The following ACAT1 variants were observed in gnomAD, a reference collection of about 807,000 sequenced individuals.
ACAT1 encodes acetyl-CoA acetyltransferase, mitochondrial.
In ACAT1, 28 loss-of-function variants were observed where a neutral mutation model predicts 47.3. The ratio of observed to expected loss-of-function variants is 0.59; its 90% CI spans 0.44 to 0.81. The LOEUF (loss-of-function observed/expected upper bound fraction) is 0.81, where lower values mean the gene tolerates loss of function less well. Among genes scored for constraint, ACAT1 ranks in the 30% least tolerant of loss-of-function variants. The pLI is 0.00. For synonymous variants in ACAT1, 181 were observed against 173.6 expected, an observed-to-expected ratio of 1.04 and a Z score of -0.34; for missense variants, 469 against 524.3, an observed-to-expected ratio of 0.89 and a Z score of 1.03.
chr11:108,127,233 T>C (rs896560372), intron 1 of ACAT1, among the ~76,000 whole-genome samples: 2 of 150,916 alleles, frequency 1.3e-5, no homozygotes, highest in Non-Finnish European at 2.9e-5. Context: ...GGGTTGGAGA[T>C]AGAAATTTGG....
intron 5 of ACAT1, chr11:108,136,267 G>C: frequency 7.2e-6 from 3 of 414,452 alleles, no homozygotes; most frequent in Non-Finnish European, 1.3e-5. Flanking sequence ...AAATAGAGTG[G>C]TGAACAAAAC....
chr11:108,143,498 C>T (rs1477382722), intron 9 of ACAT1: 1 of 152,356 alleles, frequency 6.6e-6, no homozygotes, highest in Non-Finnish European at 1.5e-5. Context: ...CGATTTTTAG[C>T]TGCAGAAATC....
chr11:108,137,087 C>G (rs2077482919), intron 5 of ACAT1: 1 of 152,048 alleles, frequency 6.6e-6, no homozygotes, highest in South Asian at 2.1e-4. Flanking sequence ...AGTGGGAAGA[C>G]TTGACATGTA....
intron 6 of ACAT1, 108 bp downstream of exon 6, chr11:108,139,149 TTGA>T: frequency 7.0e-7 from 1 of 1,422,516 alleles, no homozygotes; most frequent in Non-Finnish European, 9.8e-7. Context: ...TCTATAAATG[TTGA>T]TTTTAGCCGT....
At chr11:108,134,641 G>GAAA (rs71047674) in intron 4 of ACAT1, among the ~76,000 whole-genome samples, 24 of 64,086 alleles carry the variant, frequency 3.7e-4, no homozygotes, top group South Asian at 5.7e-4. Context: ...CTGTCTGAAA[G>GAAA]AAAAAAAAAA....
chr11:108,138,940 C>T lies in ACAT1; in HGVS notation c.478C>T (p.Pro160Ser). 6.2e-7 allele frequency: 1 copy of T among 1,613,926 alleles called. No individual in the cohort carries two copies. Among genetic ancestry groups the T allele is most frequent in the Non-Finnish European group, 8.5e-7 (1 of 1,179,996 alleles). ...AGGMESMSNV[P>S]YVMNRGSTPY... is the part of the protein sequence containing the mutation. Reference sequence around the variant, plus strand: ...TGGGATGGAGAGCATGTCCAATGTTCCATATGTAATGAACAGAGGATCAAC... The same window carrying T: ...TGGGATGGAGAGCATGTCCAATGTTTCATATGTAATGAACAGAGGATCAAC... The change falls in exon 6 of 12, where the codon CCA becomes TCA. Residue 160 changes from proline (P) to serine (S), a missense_variant. By Grantham distance (74) the Pro-to-Ser change is moderately conservative. Transcript: ENST00000265838.
At chr11:108,118,617 G>A (rs1021602697), upstream of ACAT1, among the ~76,000 whole-genome samples, 1 of 152,264 alleles carries the variant, frequency 6.6e-6, no homozygotes, top group East Asian at 1.9e-4. Flanking sequence ...TGATCCGCCT[G>A]CCTTGGCCTC....
chr11:108,136,014 A>C (rs549226712), intron 5 of ACAT1: 2 of 559,294 alleles, frequency 3.6e-6, no homozygotes, highest in South Asian at 2.4e-5. Flanking sequence ...TCATTAAGTT[A>C]AGTTCTACAG....
At chr11:108,125,681 A>T (rs763812123) in intron 1 of ACAT1, among the ~76,000 whole-genome samples, 9 of 152,158 alleles carry the variant, frequency 5.9e-5, no homozygotes, top group Non-Finnish European at 8.8e-5. Flanking sequence ...TAATCCCAGC[A>T]CTTTGGGAGG....
chr11:108,143,805 T>G, intron 9 of ACAT1, 178 bp from the exon 10 acceptor site: 1 of 170,048 alleles, frequency 5.9e-6, no homozygotes, highest in Non-Finnish European at 1.1e-5. Context: ...AAAATCAGTG[T>G]CTTAGATTAC....
intron 2 of ACAT1, 92 bp from the exon 3 acceptor site, chr11:108,133,728 G>T: frequency 1.9e-6 from 2 of 1,036,432 alleles, no homozygotes; most frequent in South Asian, 1.3e-5. Context: ...CTCATTCATA[G>T]AAGTGTTTTT....
intron 5 of ACAT1, 133 bp from the exon 6 acceptor site, chr11:108,138,765 T>TCAC: frequency 1.0e-6 from 1 of 1,000,462 alleles, no homozygotes. Flanking sequence ...AGAGGGTACT[T>TCAC]CCTGTATTCA....
chr11:108,121,866 A>G (rs1307767626), intron 1 of ACAT1, 188 bp downstream of exon 1: 6 of 619,960 alleles, frequency 9.7e-6, no homozygotes, highest in Non-Finnish European at 1.4e-5. Context: ...GGACTCGCCT[A>G]TTTTTACAGC....
At chr11:108,127,421 C>G (rs147800318) in intron 1 of ACAT1, among the ~76,000 whole-genome samples, 1 of 151,988 alleles carries the variant, frequency 6.6e-6, no homozygotes, top group Admixed American at 6.6e-5. Flanking sequence ...CCCGCCACCA[C>G]GCCTGGCTAA....
At chr11:108,124,642 A>G (rs2077216644) in intron 1 of ACAT1, among the ~76,000 whole-genome samples, 1 of 152,070 alleles carries the variant, frequency 6.6e-6, no homozygotes, top group Non-Finnish European at 1.5e-5. Flanking sequence ...TGGTCTTTTT[A>G]TAACATAAAA....
chr11:108,122,993 G>A (rs758103919), intron 1 of ACAT1, among the ~76,000 whole-genome samples: 1 of 152,162 alleles, frequency 6.6e-6, no homozygotes, highest in African/African-American at 2.4e-5. Flanking sequence ...GGGAGGCCGG[G>A]GTGGGTAGAT....
intron 11 of ACAT1, among the ~76,000 whole-genome samples, chr11:108,146,998 T>C (rs981076179): frequency 1.2e-4 from 18 of 152,316 alleles, no homozygotes; most frequent in African/African-American, 4.3e-4. Context: ...GAGAATCGCT[T>C]GAACCCAGGA....
Position 108,142,546 on chromosome 11 carries a change from A to T in ACAT1, c.936A>T (p.Ile312=). Residue 312 remains isoleucine (I), a synonymous_variant, in exon 9 of 12, where the codon ATA becomes ATT. Coordinates refer to ENST00000265838, the MANE Select transcript of ACAT1 (RefSeq NM_000019.4). ...KRLNVTPLAR[I]VAFADAAVEP... ...TCAATGTTACACCACTGGCAAGAAT[A>T]GTAGGTAAGGCCAGGCGAGGTGGCT... 6.2e-7 allele frequency: 1 copy of T among 1,613,722 alleles called. No homozygotes were observed. Among genetic ancestry groups the T allele is most frequent in the Non-Finnish European group, 8.5e-7 (1 of 1,179,628 alleles).
chr11:108,141,327 C>T (rs550642863), intron 7 of ACAT1, among the ~76,000 whole-genome samples: 1 of 126,052 alleles, frequency 7.9e-6, no homozygotes, highest in East Asian at 2.7e-4. Context: ...ATGAGGTAAA[C>T]TGTGATCATG....
Sources: allele counts gnomAD v4.1 joint callset (sites outside exome capture counted in the v4.1 genomes callset), GRCh38; gene constraint gnomAD v4.1.1; transcripts MANE v1.5; gene names NCBI Gene and HGNC (gene_info 2026-07-23, HGNC 2026-07-21).